Variants in RPL9 observed in about 807,000 individuals in gnomAD.
RPL9 encodes ribosomal protein L9, also known as large ribosomal subunit protein uL6.
For synonymous variants in RPL9, 82 were observed against 77.1 expected, an observed-to-expected ratio of 1.06 and a Z score of -0.33; for missense variants, 149 against 236.7, an observed-to-expected ratio of 0.63 and a Z score of 2.43.
rs1330102096 is a variant in RPL9 at position 39,456,482 on chromosome 4, G to C, written c.315C>G (p.Ile105Met). Reference sequence around the variant, plus strand: ...TTTCAACAAGAGACCCATTCTCCTGGATAACAACGTTGATGGGGAAGTGAG... The same window carrying C: ...TTTCAACAAGAGACCCATTCTCCTGCATAACAACGTTGATGGGGAAGTGAG... ...VYAHFPINVV[I>M]QENGSLVEIR... Residue 105 changes from isoleucine to methionine, a missense_variant, in exon 5 of 8, where the codon ATC (isoleucine) becomes ATG (methionine). Ile to Met is a conservative substitution (Grantham distance 10, BLOSUM62 1). Coordinates refer to ENST00000295955, the MANE Select transcript of RPL9 (RefSeq NM_000661.5). 10 of 1,613,968 alleles carry C rather than the reference G, an allele frequency of 6.2e-6. No homozygotes were observed. The highest frequency in any genetic ancestry group is 5.3e-5 in the African/African-American group (4 of 74,938).
chr4:39,456,212 C>A (rs926239079), intron 5 of RPL9, 194 bp downstream of exon 5: 5 of 626,474 alleles, frequency 8.0e-6, no homozygotes, highest in African/African-American at 1.9e-5. Context: ...AAATTGTAAT[C>A]GACATAATGA....
intron 4 of RPL9, 147 bp from the exon 5 acceptor site, chr4:39,456,685 A>C: frequency 1.2e-6 from 1 of 862,582 alleles, no homozygotes; most frequent in Non-Finnish European, 1.8e-6. Context: ...CAAGCCTTAT[A>C]AACATTGTTC....
At chr4:39,457,521 T>C in intron 4 of RPL9, 65 bp downstream of exon 4, 2 of 1,298,134 alleles carry the variant, frequency 1.5e-6, no homozygotes, top group Non-Finnish European at 2.2e-6. Flanking sequence ...ACACTTACGC[T>C]GTATAAAGCA....
chr4:39,455,872 TG>T (rs1455585315), intron 5 of RPL9: 1 of 177,922 alleles, frequency 5.6e-6, no homozygotes, highest in African/African-American at 2.4e-5. Flanking sequence ...TAATCAAAGA[TG>T]TTTGCAATTT....
chr4:39,454,560 G>A lies in RPL9; in HGVS notation c.562C>T (p.Gln188Ter). ...GIYVSEKGTV[Q>*]QADE ...CTTAGATCTTATTCATCAGCCTGCT[G>A]AACAGTTCCTTTTTCAGAGACATAG... The change falls in exon 7 of 8, where the codon CAG (glutamine) becomes TAG (stop). Residue 188 changes from glutamine (Q) to a stop codon, truncating the protein, a stop_gained. Transcript: ENST00000295955. LOFTEE classifies it low-confidence loss of function (END_TRUNC). The A allele has an allele frequency of 2.5e-6, 4 of 1,611,770 alleles. No homozygotes were observed. The highest frequency in any genetic ancestry group is 3.4e-6 in the Non-Finnish European group (4 of 1,178,926).
intron 5 of RPL9, chr4:39,455,943 C>CAAT (rs1171166346): frequency 4.8e-6 from 1 of 210,282 alleles, no homozygotes; most frequent in Non-Finnish European, 9.7e-6. Context: ...TTACGCTAGG[C>CAAT]TATTAACCAC....
rs1255451618 is a variant in RPL9, at chr4:39,457,512, CACTT to C, written c.258+70_258+73del. 31 of 1,235,890 alleles carry C rather than the reference CACTT, an allele frequency of 2.5e-5. No homozygotes were observed. In the East Asian group the frequency reaches 3.2e-4, roughly 13 times the overall value. 76.6% of individuals were successfully genotyped at this position (1,235,890 alleles called of 1,614,324 possible). A position where few individuals can be genotyped will look rare whatever the true frequency, so the allele number is the denominator to read the frequency against. On this transcript the variant is annotated intron_variant, in intron 4 of 7. Transcript: ENST00000295955. ...TACATGACCCATTCTCTGAAAGAGA[CACTT>C]ACGCTGTATAAAGCACAGGTTTGAG...
In RPL9 at chr4:39,458,884, T is replaced by C. The variant is rs906991221; in HGVS notation, c.-2+7A>G. ...CAGTACCCCCACGAGCACAGAAACA[T>C]CCTTACCTCGCAGTAGACGCAGCAA... On this transcript the variant is annotated splice_region_variant and intron_variant, in intron 1 of 7. Coordinates refer to ENST00000295955, the MANE Select transcript of RPL9 (RefSeq NM_000661.5). 12 of 701,580 alleles carry C rather than the reference T, an allele frequency of 1.7e-5. No individual in the cohort carries two copies. The highest frequency in any genetic ancestry group is 1.2e-4 in the Admixed American group (6 of 49,898). The allele number at this position is 701,580 out of a possible 1,614,324, so 43.5% of individuals were successfully genotyped here.
chr4:39,455,534 T>TGCCTC (rs1194535801), intron 5 of RPL9, among the ~76,000 whole-genome samples: 1 of 150,030 alleles, frequency 6.7e-6, no homozygotes, highest in Non-Finnish European at 1.5e-5. Flanking sequence ...TACAAAAAAC[T>TGCCTC]TAAAAATTAG....
rs759398193 is a variant in RPL9, at chr4:39,458,176, CA to C, written c.162+17del. On this transcript the variant is annotated intron_variant, in intron 3 of 7. Transcript: ENST00000295955. ...ACCTTCCAACGAGCAACTGAATTAT[CA>C]GAAGAAAAACCCTCACCCTCTTTTT... The C allele has an allele frequency of 9.3e-6, 15 of 1,612,438 alleles. No homozygotes were observed. In the African/African-American group the frequency reaches 1.5e-4, roughly 16 times the overall value.
rs764059798 is a variant in RPL9 at position 39,454,515 on chromosome 4, G to C, written c.*10+18C>G. 2 of 1,558,060 alleles carry C rather than the reference G, an allele frequency of 1.3e-6. No individual in the cohort carries two copies. Among genetic ancestry groups the C allele is most frequent in the Admixed American group, 3.6e-5 (2 of 55,680 alleles). On this transcript the variant is annotated intron_variant, in intron 7 of 7. Transcript: ENST00000295955. ...CAACTAGAGCAGTAATAAAACTTAAGACACTGTAAGAACTTACCTCTTAGA... is the reference window on the plus strand; with the variant it reads ...CAACTAGAGCAGTAATAAAACTTAACACACTGTAAGAACTTACCTCTTAGA...
At position 39,456,390 on chromosome 4, in the gene RPL9, G is replaced by C. The variant is rs28688785; in HGVS notation, c.391+16C>G. On this transcript the variant is annotated intron_variant, in intron 5 of 7. Coordinates refer to ENST00000295955, the MANE Select transcript of RPL9 (RefSeq NM_000661.5). Reference sequence around the variant, plus strand: ...AAGGAAAAATTTCTTAATTCTGTCTGAGGGTATGCACATACCTGGTCTCAT... The same window carrying C: ...AAGGAAAAATTTCTTAATTCTGTCTCAGGGTATGCACATACCTGGTCTCAT... The C allele has an allele frequency of 0.011, 16,959 of 1,613,880 alleles. 1,525 individuals carry two copies. In the African/African-American group the frequency reaches 0.2, roughly 19 times the overall value.
intron 4 of RPL9, 93 bp from the exon 5 acceptor site, chr4:39,456,631 C>A (rs1054972036): frequency 8.1e-6 from 11 of 1,364,618 alleles, no homozygotes; most frequent in Admixed American, 6.8e-5. Context: ...TATTTTAAAA[C>A]GTAACACTCA....
intron 1 of RPL9, 78 bp downstream of exon 1, chr4:39,458,813 G>T (rs977465197): frequency 1.6e-5 from 11 of 688,200 alleles, no homozygotes; most frequent in Non-Finnish European, 2.9e-5. Context: ...TTCCGAGAGT[G>T]GGAGCCGCGC....
chr4:39,458,892 T>C lies in RPL9; in HGVS notation c.-3A>G, dbSNP rs1446181927. 5 of 703,142 alleles carry C rather than the reference T, an allele frequency of 7.1e-6. No individual in the cohort carries two copies. The highest frequency in any genetic ancestry group is 7.8e-6 in the Non-Finnish European group (3 of 385,942). 43.6% of individuals were successfully genotyped at this position (703,142 alleles called of 1,614,324 possible). ...CCACGAGCACAGAAACATCCTTACC[T>C]CGCAGTAGACGCAGCAAAGAAAGAA... On this transcript the variant is annotated splice_region_variant and 5_prime_UTR_variant, in exon 1 of 8. Transcript: ENST00000295955.
At chr4:39,458,473 C>T in intron 1 of RPL9, 33 bp from the exon 2 acceptor site, 1 of 1,611,230 alleles carries the variant, frequency 6.2e-7, no homozygotes, top group Non-Finnish European at 8.5e-7. Context: ...GAGGCCGACG[C>T]AAGGCCCGTT....
Position 39,456,237 on chromosome 4 carries a change from T to C in RPL9, c.391+169A>G, listed in dbSNP as rs1015450. On this transcript the variant is annotated intron_variant, in intron 5 of 7. Transcript: ENST00000295955. ...CGACATAATGATATAAACCCTTAAG[T>C]AGCACCAACAGTTTAAGTGTAATCA... 0.13 allele frequency: 94,418 copies of C among 699,660 alleles called. 6,536 individuals are homozygous for C. Among genetic ancestry groups the C allele is most frequent in the Non-Finnish European group, 0.15 (60,967 of 404,030 alleles). The allele number at this position is 699,660 out of a possible 1,614,324, so 43.3% of individuals were successfully genotyped here. A position where few individuals can be genotyped will look rare whatever the true frequency, so the allele number is the denominator to read the frequency against.
At chr4:39,457,918 T>C in intron 3 of RPL9, 1 of 624,882 alleles carries the variant, frequency 1.6e-6, no homozygotes, top group South Asian at 1.9e-5. Context: ...TGCCGGTTCC[T>C]GTGATTTTTA....
rs1453715995 is a variant in RPL9, at chr4:39,454,554, C to A, written c.568G>T (p.Ala190Ser). ...TTACCTCTTAGATCTTATTCATCAG[C>A]CTGCTGAACAGTTCCTTTTTCAGAG... ...YVSEKGTVQQ[A>S]DE The change falls in exon 7 of 8, where the codon GCT (alanine) becomes TCT (serine). Residue 190 changes from alanine to serine, a missense_variant. Coordinates refer to ENST00000295955, the MANE Select transcript of RPL9 (RefSeq NM_000661.5). The A allele has an allele frequency of 5.0e-6, 8 of 1,609,530 alleles. No individual in the cohort carries two copies. Among genetic ancestry groups the A allele is most frequent in the Non-Finnish European group, 6.8e-6 (8 of 1,177,956 alleles).
Sources: gnomAD v4.1 joint callset for allele counts (sites outside exome capture counted in the v4.1 genomes callset) on GRCh38, gnomAD v4.1.1 for gene constraint, MANE v1.5 for transcripts, NCBI Gene and HGNC (gene_info 2026-07-23, HGNC 2026-07-21) for gene names.